The following LRRC28 variants were observed in gnomAD, a reference collection of about 807,000 sequenced individuals.
The protein encoded by LRRC28 is leucine rich repeat containing 28, also known as leucine-rich repeat-containing protein 28.
Under a neutral mutation model 45.7 loss-of-function variants are expected in LRRC28, and 39 were observed. The observed-to-expected ratio is 0.85, with a 90% CI of 0.66 to 1.12. LRRC28 has a LOEUF of 1.12. Among genes scored for constraint, LRRC28 ranks in the 50% most tolerant of loss-of-function variants. LRRC28 has a pLI of 0.00. For synonymous variants in LRRC28, 206 were observed against 178.8 expected (o/e 1.15, Z -1.22); for missense variants, 435 against 438.5 (o/e 0.99, Z 0.07).
At chr15:99,347,710 A>T (rs919700548) in intron 6 of LRRC28, among the ~76,000 whole-genome samples, 1 of 152,094 alleles carries the variant, frequency 6.6e-6, no homozygotes, top group Non-Finnish European at 1.5e-5. Flanking sequence ...CATATCTTGG[A>T]TGTGGTGAAT....
At chr15:99,327,649 TG>T (rs1302530104) in intron 5 of LRRC28, among the ~76,000 whole-genome samples, 2 of 152,180 alleles carry the variant, frequency 1.3e-5, no homozygotes, top group Non-Finnish European at 2.9e-5. Context: ...TTGTCAATTT[TG>T]TTGTCTTTTT....
intron 6 of LRRC28, among the ~76,000 whole-genome samples, chr15:99,349,268 T>C (rs547104450): frequency 2.6e-5 from 4 of 152,306 alleles, no homozygotes; most frequent in East Asian, 1.9e-4. Context: ...CACTTTATAA[T>C]TGTTTTTATC....
intron 3 of LRRC28, among the ~76,000 whole-genome samples, chr15:99,282,988 G>A (rs943950188): frequency 2.6e-5 from 4 of 152,058 alleles, no homozygotes; most frequent in Non-Finnish European, 5.9e-5. Context: ...CGCCTCCTGG[G>A]TTCAAGAGAT....
chr15:99,283,498 C>A (rs1041234543), intron 3 of LRRC28, among the ~76,000 whole-genome samples: 1 of 151,370 alleles, frequency 6.6e-6, no homozygotes, highest in Admixed American at 6.6e-5. Flanking sequence ...CACCTGTAAT[C>A]CCAGCTACTC....
intron 9 of LRRC28, among the ~76,000 whole-genome samples, chr15:99,383,659 A>G (rs968182947): frequency 6.6e-6 from 1 of 152,208 alleles, no homozygotes; most frequent in Non-Finnish European, 1.5e-5. Context: ...ATAATCGTAT[A>G]TCTATGAAGG....
chr15:99,345,388 A>G (rs933362543), intron 6 of LRRC28, among the ~76,000 whole-genome samples: 13 of 152,202 alleles, frequency 8.5e-5, no homozygotes, highest in African/African-American at 2.7e-4. Context: ...AAAGTGTTCT[A>G]TGTACCTTTG....
At position 99,388,921 on chromosome 15, in the gene LRRC28, C is replaced by A. The variant is rs1285396880; in HGVS notation, c.*2819C>A. The A allele has an allele frequency of 2.0e-5, 3 of 152,324 alleles. No individual in the cohort carries two copies. The highest frequency in any genetic ancestry group is 2.0e-4 in the Admixed American group (3 of 15,296). The allele number at this position is 152,324 out of a possible 1,614,324, so 9.4% of individuals were successfully genotyped here. ...AGGGGGCCGATTTTAGTGGATTACCCTATCAGTGTTCTTCAGTATGTCCAA... is the reference window on the plus strand; with the variant it reads ...AGGGGGCCGATTTTAGTGGATTACCATATCAGTGTTCTTCAGTATGTCCAA... On this transcript the variant is annotated 3_prime_UTR_variant, in exon 10 of 10. Transcript: ENST00000301981.
chr15:99,328,671 G>T (rs971592635), intron 5 of LRRC28, among the ~76,000 whole-genome samples: 1 of 148,688 alleles, frequency 6.7e-6, no homozygotes, highest in Non-Finnish European at 1.5e-5. Context: ...GGGAAAATCT[G>T]CCCTCATTAC....
At chr15:99,253,367 C>T (rs139063929) in intron 1 of LRRC28, among the ~76,000 whole-genome samples, 1,819 of 152,274 alleles carry the variant, frequency 0.012, 60 homozygotes, top group Admixed American at 0.067. Context: ...GTGATCCACC[C>T]TCCTCGGCCT....
intron 9 of LRRC28, among the ~76,000 whole-genome samples, chr15:99,380,538 A>C (rs1033009606): frequency 6.6e-6 from 1 of 152,166 alleles, no homozygotes; most frequent in African/African-American, 2.4e-5. Flanking sequence ...TTTACATTTA[A>C]GGTTAATATT....
intron 5 of LRRC28, among the ~76,000 whole-genome samples, chr15:99,331,384 G>T (rs1418270363): frequency 6.6e-6 from 1 of 152,028 alleles, no homozygotes; most frequent in Non-Finnish European, 1.5e-5. Flanking sequence ...GCCTGTCTTT[G>T]ACTTATTCCT....
intron 6 of LRRC28, among the ~76,000 whole-genome samples, chr15:99,345,301 G>T (rs989370692): frequency 6.6e-6 from 1 of 151,890 alleles, no homozygotes; most frequent in African/African-American, 2.4e-5. Flanking sequence ...GAGCCCCCTA[G>T]GGGCTCTGAA....
chr15:99,257,354 G>A (rs1466060469), intron 2 of LRRC28, among the ~76,000 whole-genome samples: 1 of 152,088 alleles, frequency 6.6e-6, no homozygotes, highest in African/African-American at 2.4e-5. Flanking sequence ...ACCCTTTAAC[G>A]AGAAGTGGTA....
intron 5 of LRRC28, among the ~76,000 whole-genome samples, chr15:99,317,729 A>G (rs1955647326): frequency 6.6e-6 from 1 of 152,158 alleles, no homozygotes; most frequent in South Asian, 2.1e-4. Flanking sequence ...TTAATTTGGA[A>G]AATGTTAATA....
At chr15:99,381,338 T>C (rs1957817038) in intron 9 of LRRC28, among the ~76,000 whole-genome samples, 1 of 152,232 alleles carries the variant, frequency 6.6e-6, no homozygotes, top group African/African-American at 2.4e-5. Context: ...TACTGAAGCT[T>C]GTGCATTTGT....
intron 5 of LRRC28, among the ~76,000 whole-genome samples, chr15:99,298,183 A>G (rs963376357): frequency 3.9e-5 from 6 of 152,244 alleles, no homozygotes; most frequent in East Asian, 1.9e-4. Flanking sequence ...AGCAACTAAC[A>G]CTATAACCCA....
chr15:99,276,525 GT>G (rs1258772270), intron 2 of LRRC28, 50 bp from the exon 3 acceptor site: 2 of 1,422,596 alleles, frequency 1.4e-6, no homozygotes, highest in African/African-American at 1.5e-5. Flanking sequence ...AATTAGAAAT[GT>G]TTAGACATTT....
chr15:99,275,121 T>C (rs774174177), intron 2 of LRRC28, among the ~76,000 whole-genome samples: 5 of 152,242 alleles, frequency 3.3e-5, no homozygotes, highest in African/African-American at 9.7e-5. Context: ...AGAGATATTA[T>C]ATGTATATAT....
chr15:99,375,585 G>T (rs1392597130), intron 9 of LRRC28, among the ~76,000 whole-genome samples: 1 of 152,148 alleles, frequency 6.6e-6, no homozygotes, highest in Non-Finnish European at 1.5e-5. Flanking sequence ...ATTCTCCAGT[G>T]AAACTATCTG....
Sources: allele counts gnomAD v4.1 joint callset (sites outside exome capture counted in the v4.1 genomes callset), GRCh38; gene constraint gnomAD v4.1.1; transcripts MANE v1.5; gene names NCBI Gene and HGNC (gene_info 2026-07-23, HGNC 2026-07-21).